Variants in SRGAP1 observed in about 807,000 individuals in gnomAD.
SRGAP1 encodes the protein SLIT-ROBO Rho GTPase-activating protein 1.
A neutral mutation model predicts 121.9 loss-of-function variants in SRGAP1; 43 were observed. That is an observed-to-expected ratio of 0.35 (90% confidence interval 0.28 to 0.46). The LOEUF (loss-of-function observed/expected upper bound fraction) is 0.46, where lower values mean the gene tolerates loss of function less well. SRGAP1 is among the 20% of genes least tolerant of loss of function. SRGAP1 has a pLI of 1.00. For synonymous variants in SRGAP1, 447 were observed against 485.4 expected, an observed-to-expected ratio of 0.92 and a Z score of 1.04; for missense variants, 1,102 against 1,350.9, an observed-to-expected ratio of 0.82 and a Z score of 2.89.
chr12:63,949,809 T>A (rs1189277828), intron 1 of SRGAP1, among the ~76,000 whole-genome samples: 1 of 152,228 alleles, frequency 6.6e-6, no homozygotes, highest in Admixed American at 6.5e-5. Context: ...ACTGACAACT[T>A]ACTTTTCTGA....
chr12:63,922,092 C>T (rs1009044669), intron 1 of SRGAP1, among the ~76,000 whole-genome samples: 6 of 151,926 alleles, frequency 3.9e-5, no homozygotes, highest in South Asian at 4.2e-4. Flanking sequence ...GATTCTCTTG[C>T]ATCAGCCTCC....
intron 16 of SRGAP1, among the ~76,000 whole-genome samples, chr12:64,111,109 A>G (rs2036423831): frequency 6.6e-6 from 1 of 152,206 alleles, no homozygotes; most frequent in African/African-American, 2.4e-5. Context: ...AGAAATTAGT[A>G]CTAGACAACT....
At chr12:64,066,165 CTCTT>C (rs1392448831) in intron 8 of SRGAP1, among the ~76,000 whole-genome samples, 2 of 152,228 alleles carry the variant, frequency 1.3e-5, no homozygotes, top group Non-Finnish European at 1.5e-5. Flanking sequence ...TCAGGACTCT[CTCTT>C]TATCACTTTG....
intron 1 of SRGAP1, among the ~76,000 whole-genome samples, chr12:63,939,731 A>G (rs1033931360): frequency 3.3e-5 from 5 of 152,182 alleles, no homozygotes; most frequent in African/African-American, 1.2e-4. Flanking sequence ...TTAAGCTAGC[A>G]TCTTCTCCCA....
chr12:64,161,584 GTTC>G lies in SRGAP1; in HGVS notation c.*18917_*18919del, dbSNP rs1318652191. The stretch of plus-strand genomic sequence containing the variant: ...TTTTATTTTGAGATTATTAGTGATA[GTTC>G]TTCTAAGTTTTCTTCTCTCTGCACA... On this transcript the variant is annotated 3_prime_UTR_variant, in exon 22 of 22. Coordinates refer to ENST00000355086, the MANE Select transcript of SRGAP1 (RefSeq NM_020762.4). 6.6e-6 allele frequency: 1 copy of G among 152,000 alleles called. No homozygotes were observed. Among genetic ancestry groups the G allele is most frequent in the Admixed American group, 6.6e-5 (1 of 15,246 alleles). 9.4% of individuals were successfully genotyped at this position (152,000 alleles called of 1,614,324 possible).
At chr12:63,852,815 CTGCTAATT>C (rs1484285984) in intron 1 of SRGAP1, among the ~76,000 whole-genome samples, 1 of 152,082 alleles carries the variant, frequency 6.6e-6, no homozygotes, top group East Asian at 1.9e-4. Flanking sequence ...CCACTTATGA[CTGCTAATT>C]TGCTTCTGTT....
intron 1 of SRGAP1, among the ~76,000 whole-genome samples, chr12:63,962,928 A>G (rs1414649651): frequency 6.6e-6 from 1 of 152,148 alleles, no homozygotes; most frequent in African/African-American, 2.4e-5. Flanking sequence ...TATTGAGTAC[A>G]TGTTGAAATT....
At chr12:63,911,298 C>CAAAA (rs10715790) in intron 1 of SRGAP1, among the ~76,000 whole-genome samples, 10 of 90,232 alleles carry the variant, frequency 1.1e-4, no homozygotes, top group Non-Finnish European at 1.4e-4. Flanking sequence ...GACTCTGTCT[C>CAAAA]AAAAAAAAAA....
intron 1 of SRGAP1, among the ~76,000 whole-genome samples, chr12:63,957,624 C>G (rs950906451): frequency 1.3e-5 from 2 of 152,078 alleles, no homozygotes; most frequent in Non-Finnish European, 2.9e-5. Context: ...CTGCCCTTAC[C>G]CCACTCCAAA....
At chr12:64,033,173 C>T (rs1016394245) in intron 4 of SRGAP1, among the ~76,000 whole-genome samples, 2 of 152,010 alleles carry the variant, frequency 1.3e-5, no homozygotes, top group African/African-American at 4.8e-5. Flanking sequence ...TACTTAGTCC[C>T]TGCATCTCGT....
rs73319392 is a variant in SRGAP1, at chr12:64,080,563, C to G, written c.1408+193C>G. On this transcript the variant is annotated intron_variant, in intron 10 of 21. Coordinates refer to ENST00000355086, the MANE Select transcript of SRGAP1 (RefSeq NM_020762.4). ...TTTTCTTCTAAAGCATGGTGCTAAC[C>G]TTGAGGAAGCGTAGTGAAATCTAGG... 2,206 of 663,918 alleles carry G rather than the reference C, an allele frequency of 3.3e-3. 38 individuals are homozygous for G. The African/African-American group carries it at 0.034, about 10-fold the overall frequency. The allele number at this position is 663,918 out of a possible 1,614,324, so 41.1% of individuals were successfully genotyped here.
At position 64,080,292 on chromosome 12, in the gene SRGAP1, A is replaced by G. The variant is rs371634808; in HGVS notation, c.1330A>G (p.Arg444Gly). 2 of 1,608,440 alleles carry G rather than the reference A, an allele frequency of 1.2e-6. No homozygotes were observed. Among genetic ancestry groups the G allele is most frequent in the South Asian group, 1.1e-5 (1 of 89,000 alleles). ...ETEQFYFMKL[R>G]EYLEGSNLIT... ...TTATTCTTGCCTTTTGCAGAAACTCAGAGAATATTTGGAAGGCAGTAATCT... is the reference window on the plus strand; with the variant it reads ...TTATTCTTGCCTTTTGCAGAAACTCGGAGAATATTTGGAAGGCAGTAATCT... The change falls in exon 10 of 22, where the codon AGA becomes GGA. Residue 444 changes from arginine (R) to glycine (G), a missense_variant. Transcript: ENST00000355086.
At chr12:64,042,327 T>G (rs1393737970) in intron 4 of SRGAP1, among the ~76,000 whole-genome samples, 2 of 152,186 alleles carry the variant, frequency 1.3e-5, no homozygotes, top group African/African-American at 4.8e-5. Flanking sequence ...AAACTATGTA[T>G]GAACCTTAAT....
intron 1 of SRGAP1, among the ~76,000 whole-genome samples, chr12:63,947,435 T>C (rs2032086086): frequency 6.6e-6 from 1 of 152,232 alleles, no homozygotes; most frequent in Non-Finnish European, 1.5e-5. Flanking sequence ...GTGTTTTAGC[T>C]CTTACATTTA....
At chr12:64,041,594 C>T (rs553929755) in intron 4 of SRGAP1, among the ~76,000 whole-genome samples, 1 of 151,576 alleles carries the variant, frequency 6.6e-6, no homozygotes, top group Non-Finnish European at 1.5e-5. Flanking sequence ...GTTGCTCAGG[C>T]GGGTCTCAAA....
At chr12:64,058,971 G>C (rs1232612518) in intron 6 of SRGAP1, among the ~76,000 whole-genome samples, 1 of 152,114 alleles carries the variant, frequency 6.6e-6, no homozygotes, top group African/African-American at 2.4e-5. Flanking sequence ...AGCCAATTAA[G>C]TGATCTTATA....
At chr12:63,939,428 A>G (rs2031783751) in intron 1 of SRGAP1, among the ~76,000 whole-genome samples, 3 of 152,136 alleles carry the variant, frequency 2.0e-5, no homozygotes, top group Non-Finnish European at 4.4e-5. Flanking sequence ...TGCTTCAGAA[A>G]GGCGTAAGGG....
chr12:63,976,493 A>T (rs899914421), intron 1 of SRGAP1, among the ~76,000 whole-genome samples: 12 of 152,126 alleles, frequency 7.9e-5, no homozygotes, highest in Admixed American at 7.2e-4. Context: ...CCCTCTCATT[A>T]TCTGTCTGTG....
intron 18 of SRGAP1, among the ~76,000 whole-genome samples, chr12:64,125,174 A>T (rs546988599): frequency 6.6e-6 from 1 of 152,332 alleles, no homozygotes; most frequent in East Asian, 1.9e-4. Context: ...CTCTATAATT[A>T]TGTCATTTGA....
Sources: gnomAD v4.1 joint callset for allele counts (sites outside exome capture counted in the v4.1 genomes callset) on GRCh38, gnomAD v4.1.1 for gene constraint, MANE v1.5 for transcripts, NCBI Gene and HGNC (gene_info 2026-07-23, HGNC 2026-07-21) for gene names.